The following NEGR1 variants were observed in gnomAD, a reference collection of about 807,000 sequenced individuals.
The protein encoded by NEGR1 is neuronal growth regulator 1, also known as IgLON family member 4.
In NEGR1, 10 loss-of-function variants were observed where a neutral mutation model predicts 40.9. That is an observed-to-expected ratio of 0.24 (90% CI 0.15 to 0.42). NEGR1 has a LOEUF of 0.42. Among genes scored for constraint, NEGR1 ranks in the 10% least tolerant of loss-of-function variants. NEGR1 has a pLI of 1.00. For missense variants in NEGR1, 352 were observed against 438.9 expected (o/e 0.80, Z 1.77); for synonymous variants, 185 against 166.8 (o/e 1.11, Z -0.84).
At chr1:71,701,711 T>C (rs1427361290) in intron 3 of NEGR1, among the ~76,000 whole-genome samples, 1 of 152,074 alleles carries the variant, frequency 6.6e-6, no homozygotes, top group Non-Finnish European at 1.5e-5. Flanking sequence ...CAATTTTCCT[T>C]AGATTTTGCA....
chr1:72,168,773 G>A (rs182963140), intron 1 of NEGR1, among the ~76,000 whole-genome samples: 9 of 152,204 alleles, frequency 5.9e-5, no homozygotes, highest in Middle Eastern at 3.4e-3. Context: ...GGTGGCTTGC[G>A]CCTGTAGTCC....
At chr1:71,782,894 C>A (rs1656766522) in intron 2 of NEGR1, among the ~76,000 whole-genome samples, 1 of 152,100 alleles carries the variant, frequency 6.6e-6, no homozygotes, top group African/African-American at 2.4e-5. Flanking sequence ...TTTTGCCATG[C>A]AAACCCAGAG....
At chr1:71,907,514 G>A (rs920247870) in intron 2 of NEGR1, among the ~76,000 whole-genome samples, 12 of 152,120 alleles carry the variant, frequency 7.9e-5, no homozygotes, top group Admixed American at 2.0e-4. Flanking sequence ...AACAACAGAG[G>A]CTGGTGAGGC....
At position 71,917,877 on chromosome 1, in the gene NEGR1, CT is replaced by C. The variant is rs1355465538; in HGVS notation, c.409+17201del. Among the ~76,000 whole-genome samples the C allele has an allele frequency of 2.0e-5, 3 of 151,516 alleles. No individual in the cohort carries two copies. In the South Asian group the frequency reaches 6.3e-4, roughly 32 times the overall value. On this transcript the variant is annotated intron_variant, in intron 2 of 6. Coordinates refer to ENST00000357731, the MANE Select transcript of NEGR1 (RefSeq NM_173808.3). ...AAAAGCACAAATTGAGTTAGGTTGC[CT>C]TTAAGAACGACCTCACTGCTGTGTG...
chr1:72,007,623 C>T (rs534241747), intron 1 of NEGR1, among the ~76,000 whole-genome samples: 7 of 151,918 alleles, frequency 4.6e-5, no homozygotes, highest in African/African-American at 1.7e-4. Flanking sequence ...AAAGAGAAAG[C>T]CAGAATTAAA....
chr1:72,187,379 A>T (rs1263628103), intron 1 of NEGR1, among the ~76,000 whole-genome samples: 1 of 151,490 alleles, frequency 6.6e-6, no homozygotes, highest in Non-Finnish European at 1.5e-5. Context: ...CAGTATTCAA[A>T]ATATGTTTAG....
chr1:71,562,472 C>A (rs902083907), intron 6 of NEGR1, among the ~76,000 whole-genome samples: 17 of 151,828 alleles, frequency 1.1e-4, no homozygotes, highest in African/African-American at 4.1e-4. Context: ...TTTTCCTCAT[C>A]TAATACCTCA....
intron 5 of NEGR1, among the ~76,000 whole-genome samples, chr1:71,600,324 A>G (rs1325399354): frequency 6.6e-6 from 1 of 152,216 alleles, no homozygotes; most frequent in Non-Finnish European, 1.5e-5. Flanking sequence ...CCTCATTTCC[A>G]GGTAGATTTA....
chr1:71,483,769 C>G (rs1316076643), intron 6 of NEGR1, among the ~76,000 whole-genome samples: 1 of 151,724 alleles, frequency 6.6e-6, no homozygotes, highest in Non-Finnish European at 1.5e-5. Flanking sequence ...TAAAAGGCAA[C>G]TGTCAGTAGT....
chr1:72,280,690 G>A (rs1656213021), intron 1 of NEGR1, among the ~76,000 whole-genome samples: 1 of 152,060 alleles, frequency 6.6e-6, no homozygotes, highest in Non-Finnish European at 1.5e-5. Context: ...ATATGTATTA[G>A]TGTATATTAA....
chr1:71,558,470 T>G (rs1232581260), intron 6 of NEGR1, among the ~76,000 whole-genome samples: 1 of 151,650 alleles, frequency 6.6e-6, no homozygotes, highest in Non-Finnish European at 1.5e-5. Context: ...CTCATTCCTT[T>G]ATTTTTAATT....
At chr1:72,183,721 G>A (rs1652491213) in intron 1 of NEGR1, among the ~76,000 whole-genome samples, 2 of 152,024 alleles carry the variant, frequency 1.3e-5, no homozygotes, top group Non-Finnish European at 2.9e-5. Context: ...GGTAATTGTT[G>A]TTTGTATTAC....
At chr1:71,807,178 G>A (rs1488972148) in intron 2 of NEGR1, among the ~76,000 whole-genome samples, 1 of 151,966 alleles carries the variant, frequency 6.6e-6, no homozygotes, top group Non-Finnish European at 1.5e-5. Context: ...TTACAGGTGT[G>A]AGCCACCGCA....
chr1:71,457,804 C>G lies in NEGR1; in HGVS notation c.941-50234G>C, dbSNP rs1343125080. On this transcript the variant is annotated intron_variant, in intron 6 of 6. Transcript: ENST00000357731. Reference sequence around the variant, plus strand: ...GCAAGCTCCGCCTCCTGGGTTCATGCCATTCTCCTGCCTCAGCCTCCTGAG... The same window carrying G: ...GCAAGCTCCGCCTCCTGGGTTCATGGCATTCTCCTGCCTCAGCCTCCTGAG... 3.9e-5 allele frequency among the ~76,000 whole-genome samples: 6 copies of G among 152,096 alleles called. No homozygotes were observed. The East Asian group carries it at 1.2e-3, about 29-fold the overall frequency.
At chr1:71,678,436 GT>G (rs1478773472) in intron 4 of NEGR1, among the ~76,000 whole-genome samples, 2 of 152,104 alleles carry the variant, frequency 1.3e-5, no homozygotes, top group Admixed American at 1.3e-4. Context: ...AATACAGTAA[GT>G]AATGAACTTT....
At chr1:72,143,210 T>A (rs1170300199) in intron 1 of NEGR1, among the ~76,000 whole-genome samples, 1 of 152,006 alleles carries the variant, frequency 6.6e-6, no homozygotes, top group Non-Finnish European at 1.5e-5. Flanking sequence ...AAAAAATAAG[T>A]CAAAGAGAAA....
intron 1 of NEGR1, among the ~76,000 whole-genome samples, chr1:72,100,086 G>C (rs1386251484): frequency 6.6e-6 from 1 of 152,028 alleles, no homozygotes; most frequent in South Asian, 2.1e-4. Context: ...TTCTTTTAAG[G>C]ACTAAAGTAA....
chr1:71,974,962 G>A (rs1356314977), intron 1 of NEGR1, among the ~76,000 whole-genome samples: 3 of 152,116 alleles, frequency 2.0e-5, no homozygotes, highest in African/African-American at 7.2e-5. Context: ...TGTACAGTGA[G>A]TCAGTTTGGG....
intron 1 of NEGR1, among the ~76,000 whole-genome samples, chr1:72,006,391 A>G (rs1299797703): frequency 1.3e-5 from 2 of 152,180 alleles, no homozygotes; most frequent in Admixed American, 1.3e-4. Flanking sequence ...AATGGCTATA[A>G]TCATAATTCT....
Sources: gnomAD v4.1 joint callset for allele counts (sites outside exome capture counted in the v4.1 genomes callset) on GRCh38, gnomAD v4.1.1 for gene constraint, MANE v1.5 for transcripts, NCBI Gene and HGNC (gene_info 2026-07-23, HGNC 2026-07-21) for gene names.